The following LRRTM4 variants were observed in gnomAD, a reference collection of about 807,000 sequenced individuals.
LRRTM4 encodes leucine-rich repeat transmembrane neuronal protein 4.
A neutral mutation model predicts 47.6 loss-of-function variants in LRRTM4; 25 were observed. The observed-to-expected ratio is 0.53, with a 90% CI of 0.38 to 0.73. The LOEUF is 0.73. Among genes scored for constraint, LRRTM4 ranks in the 30% least tolerant of loss-of-function variants. The pLI, the probability that LRRTM4 is intolerant of heterozygous loss-of-function variation, is 0.00. For synonymous variants in LRRTM4, 311 were observed against 269.5 expected (o/e 1.15, Z -1.51); for missense variants, 638 against 713.4 (o/e 0.89, Z 1.20).
At chr2:77,061,917 T>C (rs1196360821) in intron 3 of LRRTM4, among the ~76,000 whole-genome samples, 6 of 152,212 alleles carry the variant, frequency 3.9e-5, no homozygotes, top group Non-Finnish European at 7.4e-5. Context: ...TAATAGTTGA[T>C]AGCTGTTAAT....
intron 3 of LRRTM4, among the ~76,000 whole-genome samples, chr2:77,293,512 T>C (rs955088059): frequency 2.0e-5 from 3 of 152,150 alleles, no homozygotes; most frequent in Non-Finnish European, 4.4e-5. Flanking sequence ...TATCCGGTAT[T>C]ATTATTGACA....
chr2:77,447,839 G>A (rs947140219), intron 3 of LRRTM4, among the ~76,000 whole-genome samples: 6 of 152,138 alleles, frequency 3.9e-5, no homozygotes, highest in Non-Finnish European at 7.4e-5. Context: ...GTTTAATGAT[G>A]TTGGCAAACA....
chr2:77,289,071 T>C (rs1213768343), intron 3 of LRRTM4, among the ~76,000 whole-genome samples: 3 of 152,096 alleles, frequency 2.0e-5, no homozygotes, highest in African/African-American at 7.2e-5. Flanking sequence ...TAAAGCAGGT[T>C]AAATGTCTAT....
At chr2:76,772,409 T>C (rs1443275770) in intron 3 of LRRTM4, among the ~76,000 whole-genome samples, 1 of 152,186 alleles carries the variant, frequency 6.6e-6, no homozygotes, top group Non-Finnish European at 1.5e-5. Flanking sequence ...GAAGTAGTGA[T>C]AGGCAAAGAG....
At chr2:77,288,592 G>T (rs913847534) in intron 3 of LRRTM4, among the ~76,000 whole-genome samples, 2 of 151,968 alleles carry the variant, frequency 1.3e-5, no homozygotes, top group Admixed American at 6.6e-5. Context: ...ACATACCATT[G>T]CATTTTATCT....
intron 3 of LRRTM4, among the ~76,000 whole-genome samples, chr2:77,295,506 T>A (rs1042622123): frequency 1.3e-5 from 2 of 152,194 alleles, no homozygotes; most frequent in Non-Finnish European, 2.9e-5. Context: ...TATATTTGAC[T>A]GTATGACATG....
intron 3 of LRRTM4, among the ~76,000 whole-genome samples, chr2:77,099,794 A>C (rs976401041): frequency 6.6e-6 from 1 of 151,928 alleles, no homozygotes; most frequent in Non-Finnish European, 1.5e-5. Flanking sequence ...ATTGCATATT[A>C]ATCTTCAAAG....
chr2:77,236,792 G>A (rs1229367896), intron 3 of LRRTM4, among the ~76,000 whole-genome samples: 1 of 151,946 alleles, frequency 6.6e-6, no homozygotes, highest in Non-Finnish European at 1.5e-5. Flanking sequence ...AATGGTTTTT[G>A]TTTTTAATTC....
intron 3 of LRRTM4, among the ~76,000 whole-genome samples, chr2:77,162,654 C>T (rs1350957580): frequency 6.6e-6 from 1 of 152,120 alleles, no homozygotes. Flanking sequence ...GCAACATTTG[C>T]CATTCCACAA....
chr2:76,946,801 T>G, intron 3 of LRRTM4, among the ~76,000 whole-genome samples: 1 of 152,036 alleles, frequency 6.6e-6, no homozygotes, highest in East Asian at 1.9e-4. Flanking sequence ...TGGACGTTTT[T>G]ATTCCTGTAA....
intron 3 of LRRTM4, among the ~76,000 whole-genome samples, chr2:76,902,671 T>C (rs944985696): frequency 1.7e-4 from 26 of 152,170 alleles, no homozygotes; most frequent in Admixed American, 1.3e-4. Flanking sequence ...ATTGTGTACA[T>C]TAGTAAATTT....
chr2:77,144,095 A>T (rs11898184), intron 3 of LRRTM4, among the ~76,000 whole-genome samples: 1 of 152,126 alleles, frequency 6.6e-6, no homozygotes, highest in Non-Finnish European at 1.5e-5. Context: ...TGAAGGCCCA[A>T]TTATGACTTT....
chr2:77,030,822 C>A (rs1014276187), intron 3 of LRRTM4, among the ~76,000 whole-genome samples: 1 of 152,158 alleles, frequency 6.6e-6, no homozygotes, highest in Admixed American at 6.6e-5. Context: ...AATAATCTGT[C>A]ACAAAATTTG....
At chr2:77,481,257 C>T (rs1471226064) in intron 3 of LRRTM4, among the ~76,000 whole-genome samples, 3 of 152,118 alleles carry the variant, frequency 2.0e-5, no homozygotes, top group African/African-American at 7.2e-5. Flanking sequence ...ATTATTATCT[C>T]CATTTTAGAG....
At chr2:76,796,794 G>C (rs1448897605) in intron 3 of LRRTM4, among the ~76,000 whole-genome samples, 1 of 152,000 alleles carries the variant, frequency 6.6e-6, no homozygotes, top group Non-Finnish European at 1.5e-5. Flanking sequence ...ACCATCAACA[G>C]AACGAATGAC....
chr2:77,314,665 C>T (rs1161860443), intron 3 of LRRTM4, among the ~76,000 whole-genome samples: 1 of 152,142 alleles, frequency 6.6e-6, no homozygotes, highest in African/African-American at 2.4e-5. Flanking sequence ...AATAGTACCT[C>T]ACCCTTAGGG....
At chr2:77,485,593 A>G (rs147107241) in intron 3 of LRRTM4, among the ~76,000 whole-genome samples, 300 of 152,326 alleles carry the variant, frequency 2.0e-3, no homozygotes, top group Middle Eastern at 6.8e-3. Context: ...TGTTGCTAGG[A>G]AAATAAAAGG....
chr2:77,207,638 C>A (rs1380596755), intron 3 of LRRTM4, among the ~76,000 whole-genome samples: 17 of 151,552 alleles, frequency 1.1e-4, no homozygotes, highest in Admixed American at 1.1e-3. Context: ...ATGCTACCAC[C>A]TTTAAATGCC....
chr2:77,261,377 G>T (rs953021177), intron 3 of LRRTM4, among the ~76,000 whole-genome samples: 2 of 151,984 alleles, frequency 1.3e-5, no homozygotes, highest in Non-Finnish European at 2.9e-5. Flanking sequence ...TCTGGACAAG[G>T]GCAGTGAAAA....
Sources: gnomAD v4.1 joint callset for allele counts (sites outside exome capture counted in the v4.1 genomes callset) on GRCh38, gnomAD v4.1.1 for gene constraint, MANE v1.5 for transcripts, NCBI Gene and HGNC (gene_info 2026-07-23, HGNC 2026-07-21) for gene names.